TRPC4AP: variants seen among roughly 807,000 people sequenced by gnomAD.
The protein encoded by TRPC4AP is short transient receptor potential channel 4-associated protein.
TRPC4AP carries 45 observed loss-of-function variants against 99.0 expected under a neutral mutation model. That is an observed-to-expected ratio of 0.45 (90% confidence interval 0.36 to 0.58). TRPC4AP has a LOEUF of 0.58. Among genes scored for constraint, TRPC4AP ranks in the 20% least tolerant of loss-of-function variants. The probability of loss-of-function intolerance (pLI) is 0.00; values close to 1 mark genes in which losing one functional copy is unlikely to be tolerated. For missense variants in TRPC4AP, 879 were observed against 985.3 expected (o/e 0.89, Z 1.44); for synonymous variants, 408 against 385.8 (o/e 1.06, Z -0.67).
chr20:35,021,129 T>C (rs2082877554), intron 9 of TRPC4AP, 61 bp downstream of exon 9: 2 of 1,569,012 alleles, frequency 1.3e-6, no homozygotes, highest in Non-Finnish European at 8.7e-7. Flanking sequence ...GCACCTGGCA[T>C]ACCATGAGCA....
At chr20:35,053,410 G>A (rs2147384947) in intron 5 of TRPC4AP, among the ~76,000 whole-genome samples, 1 of 152,136 alleles carries the variant, frequency 6.6e-6, no homozygotes, top group East Asian at 1.9e-4. Context: ...ATTTTAAAAC[G>A]GCCTCATAAA....
chr20:35,011,965 T>G (rs969850320), intron 11 of TRPC4AP, among the ~76,000 whole-genome samples: 29 of 152,370 alleles, frequency 1.9e-4, no homozygotes, highest in African/African-American at 7.0e-4. Context: ...GATGAACAAC[T>G]GTCTCTGTTT....
At chr20:35,091,686 A>G (rs2085072352) in intron 1 of TRPC4AP, among the ~76,000 whole-genome samples, 1 of 152,140 alleles carries the variant, frequency 6.6e-6, no homozygotes, top group Non-Finnish European at 1.5e-5. Flanking sequence ...GTTTACCCTA[A>G]AGCAGTGTCC....
intron 8 of TRPC4AP, among the ~76,000 whole-genome samples, chr20:35,024,130 C>CTTTTT (rs11473089): frequency 6.8e-6 from 1 of 146,340 alleles, no homozygotes; most frequent in Non-Finnish European, 1.5e-5. Context: ...TGCACACTCA[C>CTTTTT]TTTTTTTTTT....
At chr20:35,045,467 C>A (rs1164403619) in intron 6 of TRPC4AP, among the ~76,000 whole-genome samples, 1 of 152,114 alleles carries the variant, frequency 6.6e-6, no homozygotes, top group Non-Finnish European at 1.5e-5. Flanking sequence ...AACTCCTAGG[C>A]CCAAGCAATC....
intron 1 of TRPC4AP, among the ~76,000 whole-genome samples, chr20:35,086,911 T>C (rs1210732537): frequency 1.3e-5 from 2 of 151,832 alleles, no homozygotes; most frequent in Admixed American, 1.3e-4. Context: ...CACATGCCTA[T>C]AGTCCCAGCT....
intron 5 of TRPC4AP, among the ~76,000 whole-genome samples, chr20:35,050,227 T>C (rs1044963526): frequency 3.9e-5 from 6 of 152,294 alleles, no homozygotes; most frequent in Admixed American, 3.9e-4. Context: ...TGTGAGAACA[T>C]AACACAATGA....
Position 35,092,606 on chromosome 20 carries a change from C to A in TRPC4AP, c.168+8G>T. The A allele has an allele frequency of 6.7e-7, 1 of 1,499,576 alleles. No individual in the cohort carries two copies. The highest frequency in any genetic ancestry group is 1.2e-5 in the South Asian group (1 of 80,794). The allele number at this position is 1,499,576 out of a possible 1,614,324, so 92.9% of individuals were successfully genotyped here. A position where few individuals can be genotyped will look rare whatever the true frequency, so the allele number is the denominator to read the frequency against. On this transcript the variant is annotated splice_region_variant and intron_variant, in intron 1 of 18. Transcript: ENST00000252015. Reference sequence around the variant, plus strand: ...CCCCGCCCCGCCCCTCCTGGTCCAGCCTCGTACCTGCACCGCCCGGACCAG... The same window carrying A: ...CCCCGCCCCGCCCCTCCTGGTCCAGACTCGTACCTGCACCGCCCGGACCAG...
At chr20:35,051,466 C>T (rs751239648) in intron 5 of TRPC4AP, among the ~76,000 whole-genome samples, 2 of 152,000 alleles carry the variant, frequency 1.3e-5, no homozygotes, top group African/African-American at 4.8e-5. Flanking sequence ...CACCACCGCA[C>T]CTGGCAAATT....
intron 2 of TRPC4AP, among the ~76,000 whole-genome samples, chr20:35,077,230 C>T (rs551812594): frequency 7.9e-5 from 12 of 152,262 alleles, no homozygotes; most frequent in Non-Finnish European, 1.0e-4. Context: ...GGCAATGCCC[C>T]GCCCTGCTTC....
chr20:35,042,536 A>G (rs1244025510), intron 7 of TRPC4AP, among the ~76,000 whole-genome samples: 1 of 152,150 alleles, frequency 6.6e-6, no homozygotes, highest in East Asian at 1.9e-4. Context: ...ATGGTTTTCT[A>G]CTGCTGCTTT....
At chr20:35,038,982 G>T (rs1029323338) in intron 7 of TRPC4AP, among the ~76,000 whole-genome samples, 3 of 152,212 alleles carry the variant, frequency 2.0e-5, no homozygotes, top group African/African-American at 7.2e-5. Flanking sequence ...ACTGAGGCAC[G>T]AGAATCGCTT....
At chr20:35,043,115 C>T (rs773057144) in intron 7 of TRPC4AP, among the ~76,000 whole-genome samples, 5 of 152,042 alleles carry the variant, frequency 3.3e-5, no homozygotes, top group Non-Finnish European at 7.4e-5. Context: ...TATAGCAGTA[C>T]ATAGAGATCT....
chr20:35,088,946 T>C (rs935089107), intron 1 of TRPC4AP, among the ~76,000 whole-genome samples: 17 of 152,142 alleles, frequency 1.1e-4, no homozygotes, highest in African/African-American at 3.1e-4. Context: ...AATGGGAAGT[T>C]GTTCAATGGT....
chr20:35,062,815 T>A (rs1298647829), intron 3 of TRPC4AP, among the ~76,000 whole-genome samples: 1 of 152,248 alleles, frequency 6.6e-6, no homozygotes, highest in Non-Finnish European at 1.5e-5. Context: ...CTGAATTATA[T>A]CTTTTAATAT....
chr20:35,011,848 G>A (rs899541497), intron 11 of TRPC4AP, among the ~76,000 whole-genome samples: 3 of 152,220 alleles, frequency 2.0e-5, no homozygotes, highest in African/African-American at 4.8e-5. Context: ...GTTCCTGAGT[G>A]TCCTCTGGCC....
chr20:35,075,385 G>GTT (rs1304148644), intron 2 of TRPC4AP, among the ~76,000 whole-genome samples: 10 of 152,334 alleles, frequency 6.6e-5, no homozygotes, highest in Middle Eastern at 3.4e-3. Context: ...TGTTTTTGCA[G>GTT]TAGTTGGTAT....
rs116315378 is a variant in TRPC4AP, at chr20:35,058,494, C to A, written c.415-923G>T. Among the ~76,000 whole-genome samples, 1,116 of 152,042 alleles carry A rather than the reference C, an allele frequency of 7.3e-3. 12 individuals are homozygous for A. Among genetic ancestry groups the A allele is most frequent in the African/African-American group, 0.024 (988 of 41,474 alleles). Reference sequence around the variant, plus strand: ...CAATGGAATGAAATTAAAATCAGAACGAAATTTGGGAAATTCATGAATTAT... The same window carrying A: ...CAATGGAATGAAATTAAAATCAGAAAGAAATTTGGGAAATTCATGAATTAT... On this transcript the variant is annotated intron_variant, in intron 3 of 18. Transcript: ENST00000252015.
rs2083294029 is a variant in TRPC4AP at position 35,035,324 on chromosome 20, C to T, written c.866-16G>A. 1 of 1,608,676 alleles carries T rather than the reference C, an allele frequency of 6.2e-7. No individual in the cohort carries two copies. The highest frequency in any genetic ancestry group is 8.5e-7 in the Non-Finnish European group (1 of 1,177,286). On this transcript the variant is annotated splice_polypyrimidine_tract_variant and intron_variant, in intron 7 of 18. Coordinates refer to ENST00000252015, the MANE Select transcript of TRPC4AP (RefSeq NM_015638.3). Reference sequence around the variant, plus strand: ...AGAAGGGCCGCTGCCAGGGAAAGAACAAGCGAGGAAATTTTCAAAATAGAG... The same window carrying T: ...AGAAGGGCCGCTGCCAGGGAAAGAATAAGCGAGGAAATTTTCAAAATAGAG...
Sources: gnomAD v4.1 joint callset for allele counts (sites outside exome capture counted in the v4.1 genomes callset) on GRCh38, gnomAD v4.1.1 for gene constraint, MANE v1.5 for transcripts, NCBI Gene and HGNC (gene_info 2026-07-23, HGNC 2026-07-21) for gene names.